Variants in SPATA16 observed in about 807,000 individuals in gnomAD.
The protein encoded by SPATA16 is spermatogenesis associated 16.
SPATA16 carries 36 observed loss-of-function variants against 63.3 expected under a neutral mutation model. The observed-to-expected ratio is 0.57, with a 90% CI of 0.44 to 0.75. The LOEUF (loss-of-function observed/expected upper bound fraction) is 0.75, where lower values mean the gene tolerates loss of function less well. SPATA16 is among the 30% of genes least tolerant of loss of function. SPATA16 has a pLI of 0.00. For missense variants in SPATA16, 646 were observed against 679.3 expected (o/e 0.95, Z 0.54); for synonymous variants, 203 against 216.7 (o/e 0.94, Z 0.56).
At chr3:173,074,805 C>T (rs1333504771) in intron 2 of SPATA16, among the ~76,000 whole-genome samples, 1 of 151,918 alleles carries the variant, frequency 6.6e-6, no homozygotes, top group Non-Finnish European at 1.5e-5. Context: ...CAAGACCAGC[C>T]TGGAAAACAT....
intron 3 of SPATA16, among the ~76,000 whole-genome samples, chr3:173,021,120 G>GA (rs1477871411): frequency 1.3e-5 from 2 of 152,186 alleles, no homozygotes; most frequent in Admixed American, 6.5e-5. Context: ...GAATAAAGTA[G>GA]AAAAAAATCT....
chr3:173,124,233 G>A (rs1453699254), intron 1 of SPATA16, among the ~76,000 whole-genome samples: 1 of 152,198 alleles, frequency 6.6e-6, no homozygotes, highest in Non-Finnish European at 1.5e-5. Flanking sequence ...TGCAAGAAAG[G>A]TTTGAATTCT....
At chr3:172,985,710 G>A (rs115403862) in intron 4 of SPATA16, among the ~76,000 whole-genome samples, 1 of 152,102 alleles carries the variant, frequency 6.6e-6, no homozygotes, top group East Asian at 1.9e-4. Context: ...AAGGTAGCAG[G>A]TTTTTTATTT....
At chr3:172,893,017 G>A (rs1731926772) in intron 10 of SPATA16, among the ~76,000 whole-genome samples, 1 of 152,186 alleles carries the variant, frequency 6.6e-6, no homozygotes, top group African/African-American at 2.4e-5. Context: ...CAGTAGGAGG[G>A]CAGGTTCTGA....
intron 1 of SPATA16, among the ~76,000 whole-genome samples, chr3:173,137,558 C>A (rs1300812427): frequency 6.6e-6 from 1 of 152,066 alleles, no homozygotes; most frequent in Non-Finnish European, 1.5e-5. Flanking sequence ...AAACTTCCTC[C>A]TTTTCTACAT....
At chr3:172,898,924 A>G (rs1017780466) in intron 10 of SPATA16, among the ~76,000 whole-genome samples, 1 of 151,756 alleles carries the variant, frequency 6.6e-6, no homozygotes, top group Admixed American at 6.6e-5. Flanking sequence ...TTTTAGTTCA[A>G]TATATTCTTA....
intron 10 of SPATA16, among the ~76,000 whole-genome samples, chr3:172,903,760 G>C (rs1732175623): frequency 1.3e-5 from 2 of 152,302 alleles, no homozygotes; most frequent in Admixed American, 6.5e-5. Context: ...GGTGAGGGAG[G>C]ACAGTAAGAG....
intron 4 of SPATA16, among the ~76,000 whole-genome samples, chr3:172,997,498 T>C (rs560108181): frequency 6.6e-6 from 1 of 152,232 alleles, no homozygotes; most frequent in African/African-American, 2.4e-5. Flanking sequence ...CTTTGTATAT[T>C]TTGGATAACA....
chr3:172,944,750 T>C (rs570173511), intron 6 of SPATA16, among the ~76,000 whole-genome samples: 106 of 152,300 alleles, frequency 7.0e-4, no homozygotes, highest in African/African-American at 2.5e-3. Context: ...AATGGACAAA[T>C]ACTATATGAT....
chr3:173,096,045 G>A (rs1737341990), intron 2 of SPATA16, among the ~76,000 whole-genome samples: 1 of 151,888 alleles, frequency 6.6e-6, no homozygotes, highest in Non-Finnish European at 1.5e-5. Flanking sequence ...AAGAAATAAT[G>A]CTTTTATATA....
intron 2 of SPATA16, among the ~76,000 whole-genome samples, chr3:173,065,945 A>G (rs1459807017): frequency 2.6e-5 from 4 of 152,182 alleles, no homozygotes; most frequent in South Asian, 2.1e-4. Context: ...AGGGCAAGCC[A>G]TGGTGTTGCA....
At chr3:172,890,286 G>T (rs533509654) in intron 10 of SPATA16, among the ~76,000 whole-genome samples, 1 of 152,264 alleles carries the variant, frequency 6.6e-6, no homozygotes, top group South Asian at 2.1e-4. Context: ...TCTTGAAAAA[G>T]AATTAGTCTT....
chr3:172,956,316 G>A (rs1324283883), intron 6 of SPATA16, among the ~76,000 whole-genome samples: 1 of 151,704 alleles, frequency 6.6e-6, no homozygotes, highest in Non-Finnish European at 1.5e-5. Context: ...AGTAGGGACT[G>A]GAAAAAAAAT....
At chr3:172,904,986 G>A (rs1732202237) in intron 10 of SPATA16, among the ~76,000 whole-genome samples, 2 of 152,010 alleles carry the variant, frequency 1.3e-5, no homozygotes. Context: ...CCAGGAACCT[G>A]GCCTCTTTCA....
chr3:173,032,508 G>A (rs1009161785), intron 3 of SPATA16, among the ~76,000 whole-genome samples: 6 of 151,892 alleles, frequency 4.0e-5, no homozygotes, highest in Admixed American at 3.9e-4. Context: ...TTATACAGTG[G>A]GGGATTCAAA....
chr3:172,899,095 A>G (rs566710482), intron 10 of SPATA16, among the ~76,000 whole-genome samples: 3 of 152,118 alleles, frequency 2.0e-5, no homozygotes, highest in South Asian at 4.1e-4. Flanking sequence ...CCAGAATAGC[A>G]TCTATTTTGG....
At position 173,035,515 on chromosome 3, in the gene SPATA16, T is replaced by C. The variant is rs150666768; in HGVS notation, c.758+13434A>G. On this transcript the variant is annotated intron_variant, in intron 3 of 10. Coordinates refer to ENST00000351008, the MANE Select transcript of SPATA16 (RefSeq NM_031955.6). The stretch of plus-strand genomic sequence containing the variant: ...CTTGGCTAAAGCAATAAATTGATCA[T>C]TGGGGAAGGTGGGAGTCTATTAAGG... Among the ~76,000 whole-genome samples the C allele has an allele frequency of 7.0e-3, 1,060 of 152,102 alleles. 6 individuals carry two copies. Among genetic ancestry groups the C allele is most frequent in the Non-Finnish European group, 0.011 (736 of 67,948 alleles).
intron 2 of SPATA16, among the ~76,000 whole-genome samples, chr3:173,082,865 GT>G (rs1187425704): frequency 4.0e-5 from 6 of 151,526 alleles, no homozygotes; most frequent in Non-Finnish European, 5.9e-5. Context: ...AGTCATCCAA[GT>G]TTTTTTTTCT....
intron 2 of SPATA16, among the ~76,000 whole-genome samples, chr3:173,101,584 C>G (rs1378052777): frequency 6.6e-6 from 1 of 152,154 alleles, no homozygotes; most frequent in Non-Finnish European, 1.5e-5. Context: ...AGACTTGACA[C>G]CTGGATTATC....
Sources: allele counts gnomAD v4.1 joint callset (sites outside exome capture counted in the v4.1 genomes callset), GRCh38; gene constraint gnomAD v4.1.1; transcripts MANE v1.5; gene names NCBI Gene and HGNC (gene_info 2026-07-23, HGNC 2026-07-21).